LRRC4C: variants seen among roughly 807,000 people sequenced by gnomAD.
LRRC4C encodes leucine rich repeat containing 4C.
Under a neutral mutation model 33.6 loss-of-function variants are expected in LRRC4C, and 5 were observed. The observed-to-expected ratio is 0.15, with a 90% CI of 0.08 to 0.31. The LOEUF (loss-of-function observed/expected upper bound fraction) is 0.31. Ranked by LOEUF, LRRC4C falls within the 10% of genes least tolerant of loss-of-function variation. The probability of loss-of-function intolerance (pLI) is 1.00; values close to 1 mark genes in which losing one functional copy is unlikely to be tolerated. For synonymous variants in LRRC4C, 329 were observed against 302.0 expected (o/e 1.09, Z -0.93); for missense variants, 560 against 796.7 (o/e 0.70, Z 3.58).
At chr11:40,564,448 G>A (rs1957675603) in intron 3 of LRRC4C, among the ~76,000 whole-genome samples, 1 of 151,892 alleles carries the variant, frequency 6.6e-6, no homozygotes. Flanking sequence ...CTGGTGAAAG[G>A]AGCACCCAAA....
At chr11:41,198,880 T>C (rs1029528954) in intron 1 of LRRC4C, among the ~76,000 whole-genome samples, 1 of 152,242 alleles carries the variant, frequency 6.6e-6, no homozygotes, top group African/African-American at 2.4e-5. Flanking sequence ...TAGTGAACTA[T>C]GTATTGAGCA....
At chr11:40,252,619 T>C (rs1426578623) in intron 4 of LRRC4C, among the ~76,000 whole-genome samples, 2 of 152,162 alleles carry the variant, frequency 1.3e-5, no homozygotes, top group African/African-American at 4.8e-5. Context: ...CAGAGATAGC[T>C]CGAAACCCAC....
At chr11:40,558,952 G>C (rs942755897) in intron 3 of LRRC4C, among the ~76,000 whole-genome samples, 4 of 152,076 alleles carry the variant, frequency 2.6e-5, no homozygotes, top group Admixed American at 2.6e-4. Context: ...GTGAGAACAT[G>C]CAGTATTTGG....
At chr11:41,233,676 C>T (rs1947898830) in intron 1 of LRRC4C, among the ~76,000 whole-genome samples, 1 of 151,898 alleles carries the variant, frequency 6.6e-6, no homozygotes, top group African/African-American at 2.4e-5. Flanking sequence ...TTTATTTATG[C>T]AAATATGATA....
intron 5 of LRRC4C, among the ~76,000 whole-genome samples, chr11:40,169,982 C>A (rs1859913806): frequency 6.6e-6 from 1 of 152,072 alleles, no homozygotes; most frequent in Non-Finnish European, 1.5e-5. Flanking sequence ...GGTTTAATTT[C>A]TTTTGAGTAA....
intron 1 of LRRC4C, among the ~76,000 whole-genome samples, chr11:41,224,357 G>A (rs555137210): frequency 1.3e-5 from 2 of 152,248 alleles, no homozygotes; most frequent in African/African-American, 4.8e-5. Flanking sequence ...CATGAAAGGT[G>A]AGAGGTAGGC....
intron 2 of LRRC4C, among the ~76,000 whole-genome samples, chr11:40,789,058 G>T (rs1255486245): frequency 7.5e-6 from 1 of 133,478 alleles, no homozygotes. Flanking sequence ...GCGCCACTGC[G>T]CTCCAGCCTG....
At chr11:40,535,941 A>G (rs147558459) in intron 3 of LRRC4C, among the ~76,000 whole-genome samples, 156 of 152,342 alleles carry the variant, frequency 1.0e-3, no homozygotes, top group African/African-American at 3.5e-3. Context: ...TTGATTAAGC[A>G]AACTACCACT....
At chr11:40,550,381 C>T (rs1216413811) in intron 3 of LRRC4C, among the ~76,000 whole-genome samples, 1 of 152,128 alleles carries the variant, frequency 6.6e-6, no homozygotes, top group African/African-American at 2.4e-5. Flanking sequence ...CAGAGATCAA[C>T]TCTGATGTAA....
intron 2 of LRRC4C, among the ~76,000 whole-genome samples, chr11:40,799,600 G>T (rs1439679240): frequency 6.6e-6 from 1 of 152,122 alleles, no homozygotes; most frequent in African/African-American, 2.4e-5. Context: ...ATCCCAAGTA[G>T]CTGGGATTGC....
At chr11:40,525,602 T>C (rs1956013060) in intron 3 of LRRC4C, among the ~76,000 whole-genome samples, 1 of 152,060 alleles carries the variant, frequency 6.6e-6, no homozygotes. Flanking sequence ...ATGATTGAAA[T>C]AAACCTAAAT....
At chr11:40,166,885 G>T (rs1424112848) in intron 5 of LRRC4C, among the ~76,000 whole-genome samples, 1 of 152,074 alleles carries the variant, frequency 6.6e-6, no homozygotes, top group Non-Finnish European at 1.5e-5. Context: ...GATGTAACAT[G>T]TACATTTTAT....
intron 1 of LRRC4C, among the ~76,000 whole-genome samples, chr11:41,162,557 A>G (rs1447059762): frequency 6.6e-6 from 1 of 152,206 alleles, no homozygotes; most frequent in Non-Finnish European, 1.5e-5. Flanking sequence ...GCTATATGGT[A>G]TAGCCTATTG....
At chr11:40,331,111 A>G (rs2136936027) in intron 3 of LRRC4C, among the ~76,000 whole-genome samples, 1 of 152,308 alleles carries the variant, frequency 6.6e-6, no homozygotes, top group East Asian at 1.9e-4. Flanking sequence ...GACTATTATC[A>G]AAAAGACAAA....
chr11:41,435,687 C>G (rs2138467757), intron 1 of LRRC4C, among the ~76,000 whole-genome samples: 1 of 152,242 alleles, frequency 6.6e-6, no homozygotes, highest in South Asian at 2.1e-4. Context: ...AATATTTTTC[C>G]ATTCATAGTA....
intron 2 of LRRC4C, among the ~76,000 whole-genome samples, chr11:40,855,353 T>A (rs899957757): frequency 1.1e-4 from 16 of 152,224 alleles, no homozygotes; most frequent in African/African-American, 3.6e-4. Context: ...TATTCATCCC[T>A]TCTGTCCTGC....
At chr11:40,949,951 T>A (rs1004423683) in intron 1 of LRRC4C, among the ~76,000 whole-genome samples, 3 of 152,274 alleles carry the variant, frequency 2.0e-5, no homozygotes, top group Admixed American at 1.3e-4. Flanking sequence ...GACCCATCAG[T>A]GTGCTGTATT....
At chr11:41,077,987 A>C (rs913573241) in intron 1 of LRRC4C, among the ~76,000 whole-genome samples, 10 of 152,174 alleles carry the variant, frequency 6.6e-5, no homozygotes, top group Non-Finnish European at 1.2e-4. Flanking sequence ...TCAAGTTCAA[A>C]GTTCCACAGA....
chr11:41,172,364 C>T (rs1178713294), intron 1 of LRRC4C, among the ~76,000 whole-genome samples: 8 of 152,150 alleles, frequency 5.3e-5, no homozygotes, highest in African/African-American at 1.7e-4. Context: ...TACCACAAGG[C>T]CATATGCTTT....
Sources: gnomAD v4.1 joint callset for allele counts (sites outside exome capture counted in the v4.1 genomes callset) on GRCh38, gnomAD v4.1.1 for gene constraint, MANE v1.5 for transcripts, NCBI Gene and HGNC (gene_info 2026-07-23, HGNC 2026-07-21) for gene names.